Variants in MARCHF8 observed in about 807,000 individuals in gnomAD.
MARCHF8 encodes E3 ubiquitin-protein ligase MARCHF8.
Under a neutral mutation model 51.6 loss-of-function variants are expected in MARCHF8, and 40 were observed. The ratio of observed to expected loss-of-function variants is 0.77; its 90% CI spans 0.60 to 1.01. The LOEUF (loss-of-function observed/expected upper bound fraction) is 1.01. Ranked by LOEUF, MARCHF8 falls within the 50% of genes least tolerant of loss-of-function variation. The pLI is 0.00. For synonymous variants in MARCHF8, 263 were observed against 280.3 expected (o/e 0.94, Z 0.62); for missense variants, 685 against 708.6 (o/e 0.97, Z 0.38).
chr10:45,537,981 T>C (rs1445304340), upstream of MARCHF8, among the ~76,000 whole-genome samples: 1 of 152,180 alleles, frequency 6.6e-6, no homozygotes, highest in Non-Finnish European at 1.5e-5. Context: ...TTATCCCTAA[T>C]CTAACTAATC....
In MARCHF8 at chr10:45,515,434, TTTG is replaced by T. The variant is rs1305466252; in HGVS notation, c.102+17673_102+17675del. Among the ~76,000 whole-genome samples, 5 of 152,262 alleles carry T rather than the reference TTTG, an allele frequency of 3.3e-5. No homozygotes were observed. In the East Asian group the frequency reaches 9.6e-4, roughly 29 times the overall value. ...TCTGTTCCTCGCTGCTTCTAATTTA[TTTG>T]TTGTTCTGCAACAAACAAGTTCCCC... On this transcript the variant is annotated intron_variant, in intron 2 of 7. Coordinates refer to ENST00000453424, the MANE Select transcript of MARCHF8 (RefSeq NM_001282866.2).
At chr10:45,590,762 AC>A (rs2044670352) in intron 1 of MARCHF8, among the ~76,000 whole-genome samples, 1 of 152,222 alleles carries the variant, frequency 6.6e-6, no homozygotes, top group Non-Finnish European at 1.5e-5. Flanking sequence ...AGTGGCTTAT[AC>A]CTGCAATCCC....
intron 3 of MARCHF8, among the ~76,000 whole-genome samples, chr10:45,484,080 A>G (rs1424658117): frequency 6.6e-6 from 1 of 152,250 alleles, no homozygotes; most frequent in Non-Finnish European, 1.5e-5. Flanking sequence ...ACACATAGAC[A>G]TGATAAATAT....
chr10:45,494,927 C>G (rs761077702), intron 2 of MARCHF8, among the ~76,000 whole-genome samples: 5 of 152,150 alleles, frequency 3.3e-5, no homozygotes, highest in Non-Finnish European at 5.9e-5. Context: ...CGAGACCAGC[C>G]TGGCCAACAT....
At position 45,463,924 on chromosome 10, in the gene MARCHF8, G is replaced by A. The variant is rs1248661096; in HGVS notation, c.315C>T (p.His105=). The change falls in exon 5 of 8, where the codon CAC becomes CAT. Residue 105 remains histidine, a synonymous_variant. Coordinates refer to ENST00000453424, the MANE Select transcript of MARCHF8 (RefSeq NM_001282866.2). ...GCCCTTGTGTCAGAGAACTCTGGCA[G>A]TGAGGAGCTTTCGAGACAACAGCAG... ...VQSAVVSKAP[H]CQSSLTQGLT... is the part of the protein sequence containing the mutation. 1.3e-6 allele frequency: 2 copies of A among 1,536,334 alleles called. No homozygotes were observed. Among genetic ancestry groups the A allele is most frequent in the Non-Finnish European group, 1.7e-6 (2 of 1,146,918 alleles).
chr10:45,567,040 C>A (rs575681995), intron 1 of MARCHF8, among the ~76,000 whole-genome samples: 1 of 152,120 alleles, frequency 6.6e-6, no homozygotes, highest in African/African-American at 2.4e-5. Context: ...ATGTTGAGCA[C>A]CTTTTCATAT....
rs190035232 is a variant in MARCHF8 at position 45,516,471 on chromosome 10, A to C, written c.102+16639T>G. Among the ~76,000 whole-genome samples the C allele has an allele frequency of 1.8e-3, 277 of 150,480 alleles. 2 individuals are homozygous for C. Among genetic ancestry groups the C allele is most frequent in the Non-Finnish European group, 1.7e-3 (118 of 67,654 alleles). On this transcript the variant is annotated intron_variant, in intron 2 of 7. Transcript: ENST00000453424. ...GGCTCAAACTGATTGATTATTAAGA[A>C]TCAAGTGTGGGCCAGGCACGGTGGC...
intron 2 of MARCHF8, among the ~76,000 whole-genome samples, chr10:45,495,524 C>A (rs1227852590): frequency 2.0e-5 from 3 of 151,986 alleles, no homozygotes; most frequent in Admixed American, 6.6e-5. Flanking sequence ...CAGGAAGAAG[C>A]CCTCTCCATA....
intron 1 of MARCHF8, among the ~76,000 whole-genome samples, chr10:45,562,958 T>A (rs540045769): frequency 4.6e-5 from 7 of 151,772 alleles, no homozygotes; most frequent in South Asian, 2.1e-4. Flanking sequence ...TTTTTTTTTT[T>A]AAACCAAACA....
intron 1 of MARCHF8, among the ~76,000 whole-genome samples, chr10:45,541,254 A>C (rs561996766): frequency 6.6e-6 from 1 of 152,138 alleles, no homozygotes; most frequent in Admixed American, 6.5e-5. Context: ...AAAAGGATGA[A>C]TTCATGTCCT....
intron 1 of MARCHF8, among the ~76,000 whole-genome samples, chr10:45,562,353 TGTGGTAA>T (rs2044320043): frequency 6.6e-6 from 1 of 152,182 alleles, no homozygotes. Flanking sequence ...TCACAGGCAT[TGTGGTAA>T]ATCGCAAAAT....
chr10:45,517,875 T>C (rs1434724732), intron 2 of MARCHF8, among the ~76,000 whole-genome samples: 1 of 152,198 alleles, frequency 6.6e-6, no homozygotes, highest in Non-Finnish European at 1.5e-5. Context: ...AGGCAAGGAT[T>C]TGCAATGTTT....
At chr10:45,539,525 C>T (rs1278790805), upstream of MARCHF8, among the ~76,000 whole-genome samples, 1 of 152,070 alleles carries the variant, frequency 6.6e-6, no homozygotes, top group African/African-American at 2.4e-5. Context: ...ATCAATGAAC[C>T]CAGGAGCTGG....
intron 1 of MARCHF8, among the ~76,000 whole-genome samples, chr10:45,556,840 T>C (rs141721726): frequency 6.6e-6 from 1 of 152,260 alleles, no homozygotes; most frequent in African/African-American, 2.4e-5. Context: ...ATCCAACTTG[T>C]AGTAAAGGAT....
intron 1 of MARCHF8, among the ~76,000 whole-genome samples, chr10:45,571,355 C>G (rs893355608): frequency 1.3e-5 from 2 of 152,164 alleles, no homozygotes; most frequent in Non-Finnish European, 2.9e-5. Context: ...AAAGCTCCCC[C>G]ACTGAGCACC....
At chr10:45,568,430 C>A (rs1189893956) in intron 1 of MARCHF8, among the ~76,000 whole-genome samples, 1 of 152,098 alleles carries the variant, frequency 6.6e-6, no homozygotes, top group Non-Finnish European at 1.5e-5. Flanking sequence ...ATAAAATACA[C>A]TAACACTAAG....
intron 3 of MARCHF8, among the ~76,000 whole-genome samples, chr10:45,477,326 G>A (rs1292017837): frequency 1.3e-5 from 2 of 152,150 alleles, no homozygotes; most frequent in Non-Finnish European, 2.9e-5. Context: ...GGTCCTATAA[G>A]AAATGCTTAA....
Position 45,456,558 on chromosome 10 carries a change from A to T in MARCHF8, c.*1681T>A, listed in dbSNP as rs544211382. The T allele has an allele frequency of 1.3e-5, 2 of 152,314 alleles. No homozygotes were observed. The highest frequency in any genetic ancestry group is 4.1e-4 in the South Asian group (2 of 4,822). The allele number at this position is 152,314 out of a possible 1,614,324, so 9.4% of individuals were successfully genotyped here. A position where few individuals can be genotyped will look rare whatever the true frequency, so the allele number is the denominator to read the frequency against. On this transcript the variant is annotated 3_prime_UTR_variant, in exon 8 of 8. Transcript: ENST00000453424. ...GGGCTTCCACTCTGAAAGGCAAAGG[A>T]ATCACCTCGTGTTTGCTTCATCCCC...
At chr10:45,540,149 A>T (rs1261728066), upstream of MARCHF8, among the ~76,000 whole-genome samples, 1 of 152,230 alleles carries the variant, frequency 6.6e-6, no homozygotes, top group East Asian at 1.9e-4. Context: ...ATTCAATGCC[A>T]TCCCCCCATC....
Sources: allele counts gnomAD v4.1 joint callset (sites outside exome capture counted in the v4.1 genomes callset), GRCh38; gene constraint gnomAD v4.1.1; transcripts MANE v1.5; gene names NCBI Gene and HGNC (gene_info 2026-07-23, HGNC 2026-07-21).